IFFO2: variants seen among roughly 807,000 people sequenced by gnomAD.
IFFO2 encodes intermediate filament family orphan 2.
In IFFO2, 19 loss-of-function variants were observed where a neutral mutation model predicts 53.5. The observed-to-expected ratio is 0.36, with a 90% CI of 0.25 to 0.52. IFFO2 has a LOEUF of 0.52. Ranked by LOEUF, IFFO2 falls within the 20% of genes least tolerant of loss-of-function variation. The pLI is 0.94. For synonymous variants in IFFO2, 303 were observed against 313.6 expected, an observed-to-expected ratio of 0.97 and a Z score of 0.36; for missense variants, 570 against 727.4, an observed-to-expected ratio of 0.78 and a Z score of 2.49.
At chr1:18,911,299 A>T in intron 7 of IFFO2, 85 bp downstream of exon 7, 1 of 651,748 alleles carries the variant, frequency 1.5e-6, no homozygotes, top group Non-Finnish European at 2.4e-6. Flanking sequence ...CCTGCCCATG[A>T]CACATGGGTG....
chr1:18,936,852 A>T lies in IFFO2; in HGVS notation c.666-15731T>A, dbSNP rs1268950832. Among the ~76,000 whole-genome samples, 1 of 152,042 alleles carries T rather than the reference A, an allele frequency of 6.6e-6. No homozygotes were observed. Among genetic ancestry groups the T allele is most frequent in the Non-Finnish European group, 1.5e-5 (1 of 68,008 alleles). ...AGCAAGGCTCTGCGGCCTTAAGCCA[A>T]GTCACTTCTCTAGGGCTCAGTCTCC... On this transcript the variant is annotated intron_variant, in intron 1 of 8. Transcript: ENST00000455833. The surrounding 1 kb of genome is among the most constrained non-coding windows in gnomAD (Gnocchi z 4.5).
In IFFO2 at chr1:18,920,893, G is replaced by C. The variant is rs139967802; in HGVS notation, c.726+168C>G. On this transcript the variant is annotated intron_variant, in intron 2 of 8. Transcript: ENST00000455833. ...GTCCATTCCTAGCTTCCAAGCAGAG[G>C]AAGTGGAAGGGATCTCTTGGCTCCA... Among the ~76,000 whole-genome samples, 856 of 152,334 alleles carry C rather than the reference G, an allele frequency of 5.6e-3. 4 individuals carry two copies. The highest frequency in any genetic ancestry group is 0.027 in the Middle Eastern group (8 of 294).
Position 18,925,532 on chromosome 1 carries a change from G to A in IFFO2, c.666-4411C>T, listed in dbSNP as rs115308926. Among the ~76,000 whole-genome samples the A allele has an allele frequency of 8.5e-3, 1,292 of 152,280 alleles. 19 individuals carry two copies. The highest frequency in any genetic ancestry group is 0.028 in the African/African-American group (1,146 of 41,542). ...GCCACCGGGGGCTGGCACTCATCTC[G>A]GGAGGTCTCAGGCACAGAGATGGGG... On this transcript the variant is annotated intron_variant, in intron 1 of 8. Coordinates refer to ENST00000455833, the MANE Select transcript of IFFO2 (RefSeq NM_001136265.2).
chr1:18,946,532 A>G (rs1936590558), intron 1 of IFFO2, among the ~76,000 whole-genome samples: 1 of 148,652 alleles, frequency 6.7e-6, no homozygotes, highest in South Asian at 2.1e-4. Context: ...CTCCTGCCTC[A>G]GCTTCCTGAG....
chr1:18,939,737 A>G (rs1015524168), intron 1 of IFFO2, among the ~76,000 whole-genome samples: 3 of 152,198 alleles, frequency 2.0e-5, no homozygotes, highest in African/African-American at 7.2e-5. Flanking sequence ...CAGGCAATTG[A>G]TATCCAACCA....
In IFFO2 at chr1:18,910,461, G is replaced by T; in HGVS notation, c.1329C>A (p.Ala443=). The change falls in exon 8 of 9, where the codon GCC becomes GCA. Residue 443 remains alanine (A), a synonymous_variant. Coordinates refer to ENST00000455833, the MANE Select transcript of IFFO2 (RefSeq NM_001136265.2). ...ETIGQIELEL[A]TAKSDMNRHL... ...GTCGGTTCATGTCACTTTTGGCTGT[G>T]GCCAGCTCGAGCTGGGAGGAACCAA... 1.9e-6 allele frequency: 3 copies of T among 1,613,054 alleles called. No homozygotes were observed. In the East Asian group the frequency reaches 6.7e-5, roughly 36 times the overall value.
intron 6 of IFFO2, 144 bp downstream of exon 6, chr1:18,911,819 A>C (rs112968954): frequency 0.011 from 11,836 of 1,067,154 alleles, 216 homozygotes; most frequent in East Asian, 0.062. Context: ...GATTACAGGC[A>C]TGAGCCACTG....
At chr1:18,948,256 G>C (rs979341558) in intron 1 of IFFO2, among the ~76,000 whole-genome samples, 1 of 152,222 alleles carries the variant, frequency 6.6e-6, no homozygotes, top group African/African-American at 2.4e-5. Flanking sequence ...AGCAGAACTC[G>C]TAAGAAACCA....
At chr1:18,945,843 C>T (rs761895517) in intron 1 of IFFO2, among the ~76,000 whole-genome samples, 1 of 152,252 alleles carries the variant, frequency 6.6e-6, no homozygotes, top group Non-Finnish European at 1.5e-5. Context: ...CACTTGCCAT[C>T]CACGCAACAT....
At chr1:18,952,727 A>G (rs1936673611) in intron 1 of IFFO2, among the ~76,000 whole-genome samples, 1 of 152,238 alleles carries the variant, frequency 6.6e-6, no homozygotes, top group Non-Finnish European at 1.5e-5. Context: ...GTAAATGGAC[A>G]TGAAGGATCT....
chr1:18,953,151 C>A (rs188744746), intron 1 of IFFO2, among the ~76,000 whole-genome samples: 167 of 152,270 alleles, frequency 1.1e-3, no homozygotes, highest in Non-Finnish European at 1.8e-3. Context: ...CCCTTCATGG[C>A]CACAACAGTC....
At chr1:18,910,528 C>T (rs1014919242) in intron 7 of IFFO2, 56 bp from the exon 8 acceptor site, 5 of 1,551,996 alleles carry the variant, frequency 3.2e-6, no homozygotes, top group African/African-American at 1.4e-5. Context: ...GTGACAGAAG[C>T]CTCGGCAACC....
At chr1:18,920,584 A>G (rs1936202963) in intron 2 of IFFO2, among the ~76,000 whole-genome samples, 1 of 152,236 alleles carries the variant, frequency 6.6e-6, no homozygotes, top group Admixed American at 6.5e-5. Flanking sequence ...CAGCTAGAGC[A>G]GCAAGGGGAA....
In IFFO2 at chr1:18,918,625, A is replaced by T; in HGVS notation, c.823-123T>A. 36 of 749,272 alleles carry T rather than the reference A, an allele frequency of 4.8e-5. No individual in the cohort carries two copies. The highest frequency in any genetic ancestry group is 1.2e-4 in the East Asian group (2 of 16,966). The allele number at this position is 749,272 out of a possible 1,614,324, so 46.4% of individuals were successfully genotyped here. A position where few individuals can be genotyped will look rare whatever the true frequency, so the allele number is the denominator to read the frequency against. On this transcript the variant is annotated intron_variant, in intron 3 of 8. Transcript: ENST00000455833. The surrounding 1 kb of genome is among the most constrained non-coding windows in gnomAD (Gnocchi z 5.2). The stretch of plus-strand genomic sequence containing the variant: ...GGTGCGGGGAGGCCTCCAGAGTCCG[A>T]GGGTGCCTTGGGCTTTTCCGTGGAG...
intron 1 of IFFO2, among the ~76,000 whole-genome samples, chr1:18,933,059 A>T (rs959407360): frequency 6.6e-6 from 1 of 152,168 alleles, no homozygotes; most frequent in Non-Finnish European, 1.5e-5. Flanking sequence ...AACATTTCCC[A>T]AGTGCTCACC....
chr1:18,913,958 C>T (rs374341257), intron 5 of IFFO2, among the ~76,000 whole-genome samples: 40 of 152,134 alleles, frequency 2.6e-4, no homozygotes, highest in Middle Eastern at 3.4e-3. Context: ...CAGCCTCCTG[C>T]GTAGCTGGGA....
At chr1:18,945,640 C>G (rs1936578377) in intron 1 of IFFO2, among the ~76,000 whole-genome samples, 1 of 152,252 alleles carries the variant, frequency 6.6e-6, no homozygotes, top group African/African-American at 2.4e-5. Flanking sequence ...AGCACGCAGG[C>G]CAGAGGGCGC....
At chr1:18,927,140 G>C (rs1422296000) in intron 1 of IFFO2, among the ~76,000 whole-genome samples, 1 of 152,198 alleles carries the variant, frequency 6.6e-6, no homozygotes, top group African/African-American at 2.4e-5. Flanking sequence ...GAAGGGGATG[G>C]TGTGGGTAAA....
At position 18,928,489 on chromosome 1, in the gene IFFO2, G is replaced by A. The variant is rs1410254835; in HGVS notation, c.666-7368C>T. Among the ~76,000 whole-genome samples, 1 of 152,218 alleles carries A rather than the reference G, an allele frequency of 6.6e-6. No homozygotes were observed. Among genetic ancestry groups the A allele is most frequent in the Non-Finnish European group, 1.5e-5 (1 of 68,044 alleles). ...GGCTGTACACTGAGGATGGGGGCCA[G>A]GTTTGAGAAGCCACTAATCAAGTGT... On this transcript the variant is annotated intron_variant, in intron 1 of 8. Transcript: ENST00000455833. This position sits in a 1 kb window ranked among gnomAD's most constrained non-coding sequence, Gnocchi z 4.9.
Sources: gnomAD v4.1 joint callset for allele counts (sites outside exome capture counted in the v4.1 genomes callset) on GRCh38, gnomAD v4.1.1 for gene constraint, Gnocchi (gnomAD v3.1) non-coding constraint, MANE v1.5 for transcripts, NCBI Gene and HGNC (gene_info 2026-07-23, HGNC 2026-07-21) for gene names.